The following CDH19 variants were observed in gnomAD, a reference collection of about 807,000 sequenced individuals.
CDH19 encodes cadherin-19.
Under a neutral mutation model 64.2 loss-of-function variants are expected in CDH19, and 67 were observed. That is an observed-to-expected ratio of 1.04 (90% confidence interval 0.86 to 1.28). The LOEUF (loss-of-function observed/expected upper bound fraction) is 1.28. CDH19 is among the 50% of genes most tolerant of loss of function. The pLI, the probability that CDH19 is intolerant of heterozygous loss-of-function variation, is 0.00. For synonymous variants in CDH19, 346 were observed against 319.3 expected (o/e 1.08, Z -0.89); for missense variants, 1,030 against 929.0 (o/e 1.11, Z -1.41).
chr18:66,554,586 G>T, intron 3 of CDH19, 62 bp from the exon 4 acceptor site: 1 of 1,428,914 alleles, frequency 7.0e-7, no homozygotes, highest in South Asian at 1.3e-5. Context: ...ATTCAGTTCT[G>T]TGAAGCGGTC....
At chr18:66,586,080 C>T (rs1243477185) in intron 1 of CDH19, among the ~76,000 whole-genome samples, 1 of 151,942 alleles carries the variant, frequency 6.6e-6, no homozygotes, top group African/African-American at 2.4e-5. Context: ...TCTGTGAAAA[C>T]TTGTAAAAAT....
chr18:66,523,614 G>A (rs1179768048), intron 9 of CDH19, among the ~76,000 whole-genome samples: 2 of 151,766 alleles, frequency 1.3e-5, no homozygotes, highest in Non-Finnish European at 2.9e-5. Context: ...CACTCGGTGG[G>A]GGTGGGGGGG....
At chr18:66,564,960 A>G (rs1365267266) in intron 3 of CDH19, among the ~76,000 whole-genome samples, 2 of 151,682 alleles carry the variant, frequency 1.3e-5, no homozygotes, top group Non-Finnish European at 2.9e-5. Context: ...CTATTCAGAT[A>G]CAATTTCAGA....
intron 5 of CDH19, among the ~76,000 whole-genome samples, chr18:66,550,294 A>G (rs1014385816): frequency 1.6e-4 from 24 of 152,174 alleles, no homozygotes; most frequent in African/African-American, 5.5e-4. Context: ...GCTTGCAGTA[A>G]TTGCTTAAAT....
chr18:66,526,326 T>C (rs182395067), intron 9 of CDH19, among the ~76,000 whole-genome samples: 2 of 152,262 alleles, frequency 1.3e-5, no homozygotes, highest in African/African-American at 4.8e-5. Context: ...ACATTTATAC[T>C]TTAAGCAGGG....
intron 9 of CDH19, among the ~76,000 whole-genome samples, chr18:66,523,491 A>G (rs996975461): frequency 6.6e-6 from 1 of 152,010 alleles, no homozygotes; most frequent in Non-Finnish European, 1.5e-5. Context: ...ATTCTAACCC[A>G]CATTCTTCAG....
chr18:66,573,630 A>AT (rs1466654080), intron 1 of CDH19, among the ~76,000 whole-genome samples: 1 of 89,514 alleles, frequency 1.1e-5, no homozygotes, highest in Non-Finnish European at 2.2e-5. Context: ...CATGAAAAAG[A>AT]TTTTTTTTAT....
intron 5 of CDH19, among the ~76,000 whole-genome samples, chr18:66,546,792 A>C (rs528095984): frequency 2.0e-5 from 3 of 152,274 alleles, no homozygotes; most frequent in African/African-American, 7.2e-5. Context: ...CTGGGGAAAT[A>C]TAATTTCAAG....
chr18:66,555,226 GTATC>G (rs1217908772), intron 3 of CDH19, among the ~76,000 whole-genome samples: 6 of 151,734 alleles, frequency 4.0e-5, no homozygotes, highest in Non-Finnish European at 8.8e-5. Context: ...AGTTTTCAAA[GTATC>G]TTTCTGTAAA....
At chr18:66,538,269 A>T (rs1439657968) in intron 7 of CDH19, among the ~76,000 whole-genome samples, 1 of 152,258 alleles carries the variant, frequency 6.6e-6, no homozygotes, top group East Asian at 1.9e-4. Flanking sequence ...TAATATAATA[A>T]AGTACATTTG....
intron 9 of CDH19, among the ~76,000 whole-genome samples, chr18:66,527,739 A>G (rs1986279517): frequency 6.8e-6 from 1 of 147,606 alleles, no homozygotes; most frequent in African/African-American, 2.5e-5. Flanking sequence ...GGGCAACGAG[A>G]GCAAAGCTCC....
intron 9 of CDH19, among the ~76,000 whole-genome samples, chr18:66,525,238 C>A (rs1199376349): frequency 6.6e-6 from 1 of 152,016 alleles, no homozygotes; most frequent in East Asian, 1.9e-4. Flanking sequence ...ACTTTTACTA[C>A]CCTTTGTAAT....
chr18:66,586,630 A>G (rs1988586839), intron 1 of CDH19, among the ~76,000 whole-genome samples: 1 of 151,994 alleles, frequency 6.6e-6, no homozygotes, highest in South Asian at 2.1e-4. Context: ...CATATAGAGG[A>G]GTTAACATGG....
intron 1 of CDH19, among the ~76,000 whole-genome samples, chr18:66,598,814 T>C (rs570922444): frequency 6.6e-6 from 1 of 152,048 alleles, no homozygotes. Flanking sequence ...AGCTAGCACA[T>C]GTACCCCCTG....
chr18:66,501,585 G>A lies in CDH19; in HGVS notation c.*3227C>T, dbSNP rs1284593639. On this transcript the variant is annotated 3_prime_UTR_variant, in exon 12 of 12. Transcript: ENST00000262150. ...TTGACTTTTATTTTCAATGTGCCGTGAGGCTGTTGAGATCACTCAGAATTG... is the reference window on the plus strand; with the variant it reads ...TTGACTTTTATTTTCAATGTGCCGTAAGGCTGTTGAGATCACTCAGAATTG... 6.6e-6 allele frequency: 1 copy of A among 152,142 alleles called. No homozygotes were observed. Among genetic ancestry groups the A allele is most frequent in the Non-Finnish European group, 1.5e-5 (1 of 68,036 alleles). The allele number at this position is 152,142 out of a possible 1,614,324, so 9.4% of individuals were successfully genotyped here. A position where few individuals can be genotyped will look rare whatever the true frequency, so the allele number is the denominator to read the frequency against.
At chr18:66,514,137 G>A (rs1261061484) in intron 9 of CDH19, among the ~76,000 whole-genome samples, 3 of 151,318 alleles carry the variant, frequency 2.0e-5, no homozygotes, top group African/African-American at 7.3e-5. Flanking sequence ...AAGTGTCTTA[G>A]GTAAGTAAAT....
chr18:66,581,244 T>C (rs1333664316), intron 1 of CDH19, among the ~76,000 whole-genome samples: 2 of 152,168 alleles, frequency 1.3e-5, no homozygotes, highest in African/African-American at 4.8e-5. Context: ...AAAGTGCACT[T>C]ATATTAGCAC....
intron 9 of CDH19, among the ~76,000 whole-genome samples, chr18:66,512,562 T>C (rs575242798): frequency 1.3e-5 from 2 of 151,680 alleles, no homozygotes; most frequent in East Asian, 1.9e-4. Flanking sequence ...AATAGATACA[T>C]CTTCACAGGC....
At chr18:66,511,139 A>G (rs1985461803) in intron 10 of CDH19, among the ~76,000 whole-genome samples, 1 of 151,734 alleles carries the variant, frequency 6.6e-6, no homozygotes, top group Admixed American at 6.6e-5. Flanking sequence ...CCAATTTCAC[A>G]TATTCTAAGC....
Sources: gnomAD v4.1 joint callset for allele counts (sites outside exome capture counted in the v4.1 genomes callset) on GRCh38, gnomAD v4.1.1 for gene constraint, MANE v1.5 for transcripts, NCBI Gene and HGNC (gene_info 2026-07-23, HGNC 2026-07-21) for gene names.